The following CRACDL variants were observed in gnomAD, a reference collection of about 807,000 sequenced individuals.
The protein encoded by CRACDL is CRACD-like protein.
In CRACDL, 26 loss-of-function variants were observed where a neutral mutation model predicts 70.6. The ratio of observed to expected loss-of-function variants is 0.37; its 90% CI spans 0.27 to 0.51. The LOEUF (loss-of-function observed/expected upper bound fraction) is 0.51. Ranked by LOEUF, CRACDL falls within the 20% of genes least tolerant of loss-of-function variation. CRACDL has a pLI of 0.94. For synonymous variants in CRACDL, 618 were observed against 615.2 expected (o/e 1.00, Z -0.07); for missense variants, 1,283 against 1,376.9 (o/e 0.93, Z 1.08).
chr2:98,880,978 C>T (rs912759913), intron 1 of CRACDL, among the ~76,000 whole-genome samples: 1 of 152,196 alleles, frequency 6.6e-6, no homozygotes, highest in Non-Finnish European at 1.5e-5. Context: ...AGCTAAAACC[C>T]CCTGGAGAGG....
At chr2:98,923,227 T>C (rs1323190553) in intron 1 of CRACDL, among the ~76,000 whole-genome samples, 1 of 147,420 alleles carries the variant, frequency 6.8e-6, no homozygotes, top group Non-Finnish European at 1.5e-5. Context: ...GCCGAGATCA[T>C]GACACTGCAC....
intron 1 of CRACDL, among the ~76,000 whole-genome samples, chr2:98,889,043 G>C (rs572003267): frequency 6.6e-6 from 1 of 151,206 alleles, no homozygotes; most frequent in Non-Finnish European, 1.5e-5. Context: ...CAAGGGAATC[G>C]CTTGAATCTG....
chr2:98,899,798 G>A (rs1478951645), intron 1 of CRACDL, among the ~76,000 whole-genome samples: 3 of 141,116 alleles, frequency 2.1e-5, no homozygotes, highest in Non-Finnish European at 3.1e-5. Flanking sequence ...GGGGAGGCAG[G>A]GAATGGAGGC....
intron 1 of CRACDL, among the ~76,000 whole-genome samples, chr2:98,899,840 TCA>T: frequency 7.7e-6 from 1 of 129,482 alleles, no homozygotes; most frequent in Non-Finnish European, 1.6e-5. Context: ...GGACAGAGGC[TCA>T]GCAGGAGGGG....
At chr2:98,845,079 C>T (rs1225134652) in intron 2 of CRACDL, among the ~76,000 whole-genome samples, 3 of 152,200 alleles carry the variant, frequency 2.0e-5, no homozygotes, top group Non-Finnish European at 2.9e-5. Flanking sequence ...TTGCTCTCAC[C>T]TTCCACCCCA....
intron 1 of CRACDL, among the ~76,000 whole-genome samples, chr2:98,864,548 C>CTTT (rs1048618234): frequency 2.8e-5 from 4 of 141,820 alleles, no homozygotes; most frequent in Non-Finnish European, 6.2e-5. Context: ...TGATTGTACC[C>CTTT]TTTTTTTTTT....
chr2:98,799,361 T>A (rs572659879), intron 7 of CRACDL, among the ~76,000 whole-genome samples: 1 of 152,222 alleles, frequency 6.6e-6, no homozygotes, highest in East Asian at 1.9e-4. Context: ...TGGCCACTGC[T>A]TTGCAAGCTA....
intron 7 of CRACDL, among the ~76,000 whole-genome samples, chr2:98,806,078 C>T (rs572649571): frequency 3.0e-4 from 45 of 151,922 alleles, no homozygotes; most frequent in African/African-American, 1.1e-3. Context: ...TTACGAGGGC[C>T]TCATATGGTA....
At chr2:98,920,058 A>G (rs1033065173) in intron 1 of CRACDL, among the ~76,000 whole-genome samples, 2 of 152,162 alleles carry the variant, frequency 1.3e-5, no homozygotes, top group Non-Finnish European at 2.9e-5. Flanking sequence ...CTGGCCTACA[A>G]TACGTTTTTT....
chr2:98,813,067 T>C (rs1372325358), intron 7 of CRACDL, among the ~76,000 whole-genome samples: 18 of 152,236 alleles, frequency 1.2e-4, no homozygotes, highest in Non-Finnish European at 2.9e-5. Flanking sequence ...TTCATACTTT[T>C]GCCTATGAAT....
chr2:98,863,584 G>A (rs190790701), intron 1 of CRACDL, among the ~76,000 whole-genome samples: 1 of 152,152 alleles, frequency 6.6e-6, no homozygotes, highest in African/African-American at 2.4e-5. Context: ...TTTAAAAAAA[G>A]AGGTACAGGC....
At position 98,822,063 on chromosome 2, in the gene CRACDL, C is replaced by G. The variant is rs754282547; in HGVS notation, c.2210G>C (p.Arg737Pro). Reference protein sequence around the residue: ...KCPLGTAPALRGTRAPSDQGK... With the variant: ...KCPLGTAPALPGTRAPSDQGK... Reference sequence around the variant, plus strand: ...TTGGTCGCTGGGGGCCCTGGTGCCTCGAAGGGCGGGGGCCGTCCCGAGGGG... The same window carrying G: ...TTGGTCGCTGGGGGCCCTGGTGCCTGGAAGGGCGGGGGCCGTCCCGAGGGG... The change falls in exon 7 of 10, where the codon CGA becomes CCA. Residue 737 changes from arginine to proline, a missense_variant. Coordinates refer to ENST00000397899, the MANE Select transcript of CRACDL (RefSeq NM_207362.3). This position sits in a 1 kb window ranked among gnomAD's most constrained non-coding sequence, Gnocchi z 4.9. The G allele has an allele frequency of 1.3e-6, 2 of 1,549,906 alleles. No homozygotes were observed. The highest frequency in any genetic ancestry group is 1.7e-6 in the Non-Finnish European group (2 of 1,146,792).
chr2:98,818,061 A>G (rs1410495978), intron 7 of CRACDL, among the ~76,000 whole-genome samples: 3 of 152,190 alleles, frequency 2.0e-5, no homozygotes, highest in South Asian at 2.1e-4. Flanking sequence ...CTGCGTGCAG[A>G]AGCTGCTTTA....
intron 6 of CRACDL, among the ~76,000 whole-genome samples, 175 bp downstream of exon 6, chr2:98,826,800 G>T (rs1373751059): frequency 6.6e-6 from 1 of 151,584 alleles, no homozygotes; most frequent in African/African-American, 2.4e-5. Context: ...GACAGATCTG[G>T]TTTATGTTTA....
intron 2 of CRACDL, among the ~76,000 whole-genome samples, chr2:98,843,226 C>T (rs1706115454): frequency 6.6e-6 from 1 of 151,838 alleles, no homozygotes; most frequent in South Asian, 2.1e-4. Context: ...AAATTTGCTC[C>T]CCATTTTGTA....
At chr2:98,820,818 G>C (rs1559211322) in intron 7 of CRACDL, among the ~76,000 whole-genome samples, 1 of 152,202 alleles carries the variant, frequency 6.6e-6, no homozygotes, top group Non-Finnish European at 1.5e-5. Context: ...ACAGACTTGT[G>C]ATTCCAATAT....
intron 1 of CRACDL, among the ~76,000 whole-genome samples, chr2:98,847,296 TCTTA>T (rs1706303012): frequency 6.6e-6 from 1 of 152,236 alleles, no homozygotes; most frequent in Admixed American, 6.5e-5. Flanking sequence ...TTCCTGATTT[TCTTA>T]CTTACACCAC....
At chr2:98,839,509 G>A (rs1348629178) in intron 2 of CRACDL, among the ~76,000 whole-genome samples, 1 of 152,216 alleles carries the variant, frequency 6.6e-6, no homozygotes, top group African/African-American at 2.4e-5. Flanking sequence ...TCGAAGGCCT[G>A]AATAGATACA....
At chr2:98,892,942 A>AT (rs1480046791) in intron 1 of CRACDL, among the ~76,000 whole-genome samples, 2 of 152,006 alleles carry the variant, frequency 1.3e-5, no homozygotes, top group African/African-American at 4.8e-5. Context: ...TCAGCCACAG[A>AT]TTTTTTTGGT....
Sources: gnomAD v4.1 joint callset for allele counts (sites outside exome capture counted in the v4.1 genomes callset) on GRCh38, gnomAD v4.1.1 for gene constraint, Gnocchi (gnomAD v3.1) non-coding constraint, MANE v1.5 for transcripts, NCBI Gene and HGNC (gene_info 2026-07-23, HGNC 2026-07-21) for gene names.